Variants in TENM3 observed in about 807,000 individuals in gnomAD.
The protein encoded by TENM3 is teneurin transmembrane protein 3.
Under a neutral mutation model 255.1 loss-of-function variants are expected in TENM3, and 63 were observed. The ratio of observed to expected loss-of-function variants is 0.25; its 90% CI spans 0.20 to 0.30. The LOEUF is 0.30. TENM3 is among the 10% of genes least tolerant of loss of function. The probability of loss-of-function intolerance (pLI) is 1.00; values close to 1 mark genes in which losing one functional copy is unlikely to be tolerated. For missense variants in TENM3, 2,929 were observed against 3,461.1 expected (o/e 0.85, Z 3.86); for synonymous variants, 1,306 against 1,322.3 (o/e 0.99, Z 0.27).
chr4:182,205,255 A>G (rs1368904878), intron 1 of TENM3, among the ~76,000 whole-genome samples: 1 of 152,218 alleles, frequency 6.6e-6, no homozygotes, highest in Non-Finnish European at 1.5e-5. Context: ...CTGCTTTGTG[A>G]CTATTGCTCT....
At chr4:181,990,332 A>G in the TENM3 span, among the ~76,000 whole-genome samples, 1 of 152,194 alleles carries the variant, frequency 6.6e-6, no homozygotes, top group African/African-American at 2.4e-5. Flanking sequence ...GTGACCATGG[A>G]TAAACTACGT....
At chr4:181,673,077 G>A in the TENM3 span, among the ~76,000 whole-genome samples, 775 of 152,236 alleles carry the variant, frequency 5.1e-3, 4 homozygotes, top group Middle Eastern at 0.017. Context: ...CTAGAACTAG[G>A]ACCCTAGGCA....
At chr4:181,582,251 C>T in the TENM3 span, among the ~76,000 whole-genome samples, 5 of 151,950 alleles carry the variant, frequency 3.3e-5, no homozygotes, top group Admixed American at 2.6e-4. Flanking sequence ...ACATTCACAG[C>T]TGTTGTGCAT....
chr4:182,697,365 A>T (rs1757505213), intron 12 of TENM3, among the ~76,000 whole-genome samples: 1 of 152,180 alleles, frequency 6.6e-6, no homozygotes, highest in Non-Finnish European at 1.5e-5. Context: ...AGGAGGCAGC[A>T]GGCGTGGAGT....
the TENM3 span, among the ~76,000 whole-genome samples, chr4:181,543,917 A>T: frequency 6.6e-6 from 1 of 152,182 alleles, no homozygotes; most frequent in South Asian, 2.1e-4. Flanking sequence ...TAAAGAAAAA[A>T]ATATAATTTT....
chr4:182,044,930 T>A, the TENM3 span, among the ~76,000 whole-genome samples: 2 of 152,192 alleles, frequency 1.3e-5, no homozygotes, highest in African/African-American at 4.8e-5. Context: ...GTGGACGAGA[T>A]GAAAGAAACA....
At chr4:181,561,927 C>T in the TENM3 span, among the ~76,000 whole-genome samples, 2 of 152,202 alleles carry the variant, frequency 1.3e-5, no homozygotes, top group African/African-American at 4.8e-5. Flanking sequence ...GGAGAATATA[C>T]ACATTCCCCT....
chr4:182,571,523 C>T (rs1358614879), intron 3 of TENM3, among the ~76,000 whole-genome samples: 1 of 152,086 alleles, frequency 6.6e-6, no homozygotes, highest in Non-Finnish European at 1.5e-5. Flanking sequence ...AAGACCCTGC[C>T]CCACACATGC....
chr4:181,852,170 C>T, the TENM3 span, among the ~76,000 whole-genome samples: 40 of 152,134 alleles, frequency 2.6e-4, no homozygotes, highest in Admixed American at 1.4e-3. Context: ...AAGGTCTTAG[C>T]GAATGGGAGT....
chr4:182,023,620 A>G, the TENM3 span, among the ~76,000 whole-genome samples: 3 of 152,338 alleles, frequency 2.0e-5, no homozygotes, highest in African/African-American at 4.8e-5. Context: ...CCCCCTGTGC[A>G]TGGAAAATTG....
At chr4:181,549,907 C>T in the TENM3 span, among the ~76,000 whole-genome samples, 1 of 151,744 alleles carries the variant, frequency 6.6e-6, no homozygotes, top group African/African-American at 2.4e-5. Context: ...CACCTAATAC[C>T]CAAATGTGAT....
chr4:182,019,282 A>G, the TENM3 span, among the ~76,000 whole-genome samples: 573 of 152,276 alleles, frequency 3.8e-3, 2 homozygotes, highest in Admixed American at 0.01. Flanking sequence ...GCCCCCTCTG[A>G]GTCATGCTGG....
At chr4:182,350,280 T>G (rs530807944) in intron 3 of TENM3, 5 of 152,232 alleles carry the variant, frequency 3.3e-5, no homozygotes, top group African/African-American at 9.6e-5. Context: ...CTCTGTTAGC[T>G]GAGAGTCAAA....
chr4:182,171,297 A>G (rs954673574), intron 1 of TENM3, among the ~76,000 whole-genome samples: 3 of 152,174 alleles, frequency 2.0e-5, no homozygotes, highest in African/African-American at 7.2e-5. Flanking sequence ...TATGAGCCCA[A>G]GATTAAATCA....
Position 182,233,841 on chromosome 4 carries a change from A to G in TENM3, c.-76+89087A>G, listed in dbSNP as rs1444416506. On this transcript the variant is annotated intron_variant, in intron 1 of 2. Coordinates refer to the TENM3 transcript ENST00000512480. ...TCAGAGGAAACTGCAGATATGCAAC[A>G]TCTGGTAGAAATCCCTCGGATTCTC... is the stretch of plus-strand genomic sequence containing the variant. Among the ~76,000 whole-genome samples the G allele has an allele frequency of 2.0e-5, 3 of 152,244 alleles. No individual in the cohort carries two copies. The East Asian group carries it at 5.8e-4, about 29-fold the overall frequency.
chr4:181,863,311 A>C, the TENM3 span, among the ~76,000 whole-genome samples: 1 of 152,114 alleles, frequency 6.6e-6, no homozygotes, highest in Non-Finnish European at 1.5e-5. Flanking sequence ...AATCACAATG[A>C]CTCTGCTACT....
the TENM3 span, among the ~76,000 whole-genome samples, chr4:181,582,015 G>T: frequency 6.6e-6 from 1 of 152,218 alleles, no homozygotes; most frequent in Non-Finnish European, 1.5e-5. Flanking sequence ...TTACAGGCAT[G>T]AGACACTGTG....
chr4:182,674,811 A>G (rs1276742567), intron 7 of TENM3, among the ~76,000 whole-genome samples: 2 of 152,136 alleles, frequency 1.3e-5, no homozygotes, highest in African/African-American at 4.8e-5. Context: ...CCTGGGCTCA[A>G]GCAATCCGCC....
At chr4:181,600,382 G>C in the TENM3 span, among the ~76,000 whole-genome samples, 93,449 of 151,882 alleles carry the variant, frequency 0.62, 29,143 homozygotes, top group Admixed American at 0.67. Context: ...AAATCCTGCT[G>C]CAACCACTGC....
Sources: gnomAD v4.1 joint callset for allele counts (sites outside exome capture counted in the v4.1 genomes callset) on GRCh38, gnomAD v4.1.1 for gene constraint, MANE v1.5 for transcripts, NCBI Gene and HGNC (gene_info 2026-07-23, HGNC 2026-07-21) for gene names.